The following VPS13B variants were observed in gnomAD, a reference collection of about 807,000 sequenced individuals.
VPS13B encodes vacuolar protein sorting 13 homolog B.
Under a neutral mutation model 426.4 loss-of-function variants are expected in VPS13B, and 285 were observed. That is an observed-to-expected ratio of 0.67 (90% CI 0.61 to 0.74). The LOEUF (loss-of-function observed/expected upper bound fraction) is 0.74, where lower values mean the gene tolerates loss of function less well. Among genes scored for constraint, VPS13B ranks in the 30% least tolerant of loss-of-function variants. The probability of loss-of-function intolerance (pLI) is 0.00; values close to 1 mark genes in which losing one functional copy is unlikely to be tolerated. For missense variants in VPS13B, 4,537 were observed against 4,782.6 expected (o/e 0.95, Z 1.51); for synonymous variants, 1,676 against 1,676.4 (o/e 1.00, Z 0.01).
chr8:99,176,321 G>A (rs1004257569), intron 16 of VPS13B, among the ~76,000 whole-genome samples: 4 of 152,038 alleles, frequency 2.6e-5, no homozygotes, highest in African/African-American at 4.8e-5. Context: ...ATTTTTAGTA[G>A]GGACGAGGTT....
intron 33 of VPS13B, among the ~76,000 whole-genome samples, chr8:99,591,006 G>C (rs1272849182): frequency 6.6e-6 from 1 of 152,006 alleles, no homozygotes; most frequent in Non-Finnish European, 1.5e-5. Context: ...CTTGCTTTAT[G>C]AATCTGGGTG....
intron 59 of VPS13B, 82 bp from the exon 60 acceptor site, chr8:99,870,703 C>A: frequency 7.8e-7 from 1 of 1,283,106 alleles, no homozygotes; most frequent in African/African-American, 1.5e-5. Context: ...TTATGGATGG[C>A]TCTGAACAGA....
intron 21 of VPS13B, among the ~76,000 whole-genome samples, chr8:99,420,283 G>A (rs1352965372): frequency 2.6e-5 from 4 of 152,114 alleles, no homozygotes; most frequent in South Asian, 4.1e-4. Context: ...TCAAGTGTCA[G>A]TATTTGGTGC....
At chr8:99,545,853 C>T (rs192279271) in intron 30 of VPS13B, among the ~76,000 whole-genome samples, 2 of 152,124 alleles carry the variant, frequency 1.3e-5, no homozygotes, top group African/African-American at 4.8e-5. Flanking sequence ...AATTGAAGGG[C>T]ATTGTGCTAC....
intron 43 of VPS13B, among the ~76,000 whole-genome samples, chr8:99,788,916 T>C (rs1165621166): frequency 6.6e-6 from 1 of 152,196 alleles, no homozygotes; most frequent in African/African-American, 2.4e-5. Context: ...ACCTCACTGG[T>C]ATTCCTATCA....
At chr8:99,547,792 C>T (rs1022862104) in intron 30 of VPS13B, among the ~76,000 whole-genome samples, 1 of 152,030 alleles carries the variant, frequency 6.6e-6, no homozygotes, top group Non-Finnish European at 1.5e-5. Context: ...ATAACTCCTA[C>T]ATTGTAGCCA....
chr8:99,388,012 A>T (rs1814222913), intron 20 of VPS13B, among the ~76,000 whole-genome samples: 1 of 152,222 alleles, frequency 6.6e-6, no homozygotes, highest in African/African-American at 2.4e-5. Flanking sequence ...ATTTGTAAGA[A>T]GGTTGATAAA....
Position 99,871,549 on chromosome 8 carries a change from C to T in VPS13B, c.11597C>T (p.Thr3866Ile). Reference sequence around the variant, plus strand: ...GAGCATGAAGGGTGCTTGCTGCTGACATCAGAAGTGCTCTTCGTGGTGAGT... The same window carrying T: ...GAGCATGAAGGGTGCTTGCTGCTGATATCAGAAGTGCTCTTCGTGGTGAGT... The part of the protein sequence containing the change: ...GQEHEGCLLL[T>I]SEVLFVVSVS... Residue 3866 changes from threonine to isoleucine, a missense_variant, in exon 61 of 62, where the codon ACA (threonine) becomes ATA (isoleucine). By Grantham distance (89) the Thr-to-Ile change is moderately conservative. Coordinates refer to ENST00000357162, the MANE Select transcript of VPS13B (RefSeq NM_152564.5). 6.2e-7 allele frequency: 1 copy of T among 1,614,226 alleles called. No homozygotes were observed. The highest frequency in any genetic ancestry group is 8.5e-7 in the Non-Finnish European group (1 of 1,180,048).
chr8:99,023,053 A>G (rs1259040377), intron 2 of VPS13B, among the ~76,000 whole-genome samples: 1 of 150,224 alleles, frequency 6.7e-6, no homozygotes, highest in Non-Finnish European at 1.5e-5. Context: ...TGCAGTGTTG[A>G]TCATTGCTCA....
intron 17 of VPS13B, chr8:99,234,022 C>T (rs1436488633): frequency 1.3e-6 from 1 of 774,496 alleles, no homozygotes; most frequent in East Asian, 2.4e-5. Context: ...CCTTTCAGAC[C>T]ATGGCACCAA....
intron 3 of VPS13B, among the ~76,000 whole-genome samples, chr8:99,058,512 A>T (rs899392680): frequency 3.9e-5 from 6 of 151,994 alleles, no homozygotes; most frequent in African/African-American, 7.2e-5. Flanking sequence ...TTTTTAACAC[A>T]TTAAGAGGTC....
intron 19 of VPS13B, among the ~76,000 whole-genome samples, chr8:99,380,765 A>G (rs1334283479): frequency 1.3e-5 from 2 of 151,916 alleles, no homozygotes; most frequent in East Asian, 1.9e-4. Context: ...TAAATAATCT[A>G]TAACATTATA....
intron 3 of VPS13B, among the ~76,000 whole-genome samples, chr8:99,069,873 TTTTAA>T (rs1303790813): frequency 6.6e-6 from 1 of 152,224 alleles, no homozygotes; most frequent in Admixed American, 6.5e-5. Context: ...TTTTTAATTG[TTTTAA>T]TTAAATTTTT....
chr8:99,434,156 G>C (rs775636265), intron 22 of VPS13B, among the ~76,000 whole-genome samples: 9 of 152,034 alleles, frequency 5.9e-5, no homozygotes, highest in Non-Finnish European at 1.2e-4. Flanking sequence ...CAAAGTAAAG[G>C]AGTTTTGATT....
chr8:99,453,835 A>G (rs928441407), intron 23 of VPS13B, among the ~76,000 whole-genome samples: 1 of 152,156 alleles, frequency 6.6e-6, no homozygotes, highest in Non-Finnish European at 1.5e-5. Context: ...AATTCAGTAC[A>G]TTTGTTATAA....
chr8:99,521,090 C>T, intron 30 of VPS13B, 80 bp downstream of exon 30: 2 of 1,131,876 alleles, frequency 1.8e-6, no homozygotes, highest in Non-Finnish European at 2.7e-6. Flanking sequence ...CTTAGTGTGG[C>T]CTGTAGAAAT....
chr8:99,281,610 G>A (rs1819175024), intron 19 of VPS13B, among the ~76,000 whole-genome samples: 1 of 152,200 alleles, frequency 6.6e-6, no homozygotes, highest in African/African-American at 2.4e-5. Flanking sequence ...TGGGCAAAGG[G>A]AACTGATGCA....
At chr8:99,421,218 A>T (rs1816351614) in intron 21 of VPS13B, among the ~76,000 whole-genome samples, 1 of 152,190 alleles carries the variant, frequency 6.6e-6, no homozygotes, top group African/African-American at 2.4e-5. Context: ...TTCATCCCCA[A>T]GATATAATTG....
intron 5 of VPS13B, among the ~76,000 whole-genome samples, chr8:99,106,328 G>T (rs939252153): frequency 1.3e-5 from 2 of 151,224 alleles, no homozygotes; most frequent in African/African-American, 4.9e-5. Context: ...CTAGCTACTT[G>T]GGAGGCTGAG....
Sources: allele counts gnomAD v4.1 joint callset (sites outside exome capture counted in the v4.1 genomes callset), GRCh38; gene constraint gnomAD v4.1.1; transcripts MANE v1.5; gene names NCBI Gene and HGNC (gene_info 2026-07-23, HGNC 2026-07-21).